Variants in TMEM272 observed in about 807,000 individuals in gnomAD.
The protein encoded by TMEM272 is long intergenic non-protein coding RNA 282.
Under a neutral mutation model 3.7 loss-of-function variants are expected in TMEM272, and 8 were observed. The observed-to-expected ratio is 2.17, with a 90% CI of 1.27 to 3.91. The LOEUF (loss-of-function observed/expected upper bound fraction) is 3.91. Among genes scored for constraint, TMEM272 ranks in the 30% most tolerant of loss-of-function variants. The pLI, the probability that TMEM272 is intolerant of heterozygous loss-of-function variation, is 0.00. For synonymous variants in TMEM272, 63 were observed against 39.8 expected (o/e 1.58, Z -2.20); for missense variants, 166 against 91.5 (o/e 1.81, Z -3.32).
At chr13:51,892,767 C>A in the TMEM272 span, among the ~76,000 whole-genome samples, 1 of 152,166 alleles carries the variant, frequency 6.6e-6, no homozygotes, top group Non-Finnish European at 1.5e-5. Context: ...CTCCACAGTT[C>A]CAGCTCACAG....
intron 4 of TMEM272, among the ~76,000 whole-genome samples, chr13:51,821,687 AG>A (rs139139103): frequency 2.5e-5 from 3 of 119,176 alleles, no homozygotes; most frequent in Non-Finnish European, 3.3e-5. Flanking sequence ...AAAAAAAAAA[AG>A]CAAAAAAAAA....
chr13:51,881,485 T>C, the TMEM272 span, among the ~76,000 whole-genome samples: 1 of 152,130 alleles, frequency 6.6e-6, no homozygotes, highest in Non-Finnish European at 1.5e-5. Flanking sequence ...GAGTAAAAGC[T>C]TCAAGGGCTG....
the TMEM272 span, among the ~76,000 whole-genome samples, chr13:51,880,686 A>G: frequency 0.1 from 15,281 of 152,264 alleles, 1,001 homozygotes; most frequent in African/African-American, 0.17. Flanking sequence ...GAAATTCTTC[A>G]AGACTATTTT....
chr13:51,889,426 G>A, the TMEM272 span, among the ~76,000 whole-genome samples: 2 of 150,020 alleles, frequency 1.3e-5, no homozygotes, highest in Non-Finnish European at 2.9e-5. Context: ...CTTACAAGAA[G>A]AGGAGGAGAC....
chr13:51,913,542 T>A, the TMEM272 span, among the ~76,000 whole-genome samples: 1 of 152,154 alleles, frequency 6.6e-6, no homozygotes, highest in African/African-American at 2.4e-5. Flanking sequence ...TGCAGCTGCA[T>A]TGCAGGGGCA....
upstream of TMEM272, among the ~76,000 whole-genome samples, chr13:51,847,364 GA>G (rs1338335460): frequency 1.3e-5 from 2 of 152,188 alleles, no homozygotes; most frequent in African/African-American, 4.8e-5. Context: ...GTGCATGCCA[GA>G]AATCTAGGTT....
the TMEM272 span, among the ~76,000 whole-genome samples, chr13:51,851,474 G>A: frequency 1.4e-5 from 2 of 146,074 alleles, no homozygotes; most frequent in Admixed American, 6.8e-5. Context: ...ACTTAATAAT[G>A]TATCCTGGGA....
chr13:51,929,941 G>A, the TMEM272 span, among the ~76,000 whole-genome samples: 833 of 152,330 alleles, frequency 5.5e-3, 7 homozygotes, highest in African/African-American at 0.019. Context: ...GCTCTCAACA[G>A]GCCTCTCTGA....
the TMEM272 span, among the ~76,000 whole-genome samples, chr13:51,888,486 T>A: frequency 6.6e-6 from 1 of 152,182 alleles, no homozygotes; most frequent in Non-Finnish European, 1.5e-5. Flanking sequence ...CCAATATAGA[T>A]GCATATAAGA....
At chr13:51,865,735 A>C in the TMEM272 span, 1 of 1,614,042 alleles carries the variant, frequency 6.2e-7, no homozygotes, top group African/African-American at 1.3e-5. Flanking sequence ...AGGAAGAGAA[A>C]ACTTTCTGGA....
At chr13:51,903,465 C>G in the TMEM272 span, among the ~76,000 whole-genome samples, 1 of 152,284 alleles carries the variant, frequency 6.6e-6, no homozygotes, top group East Asian at 1.9e-4. Context: ...GACTCTACGT[C>G]AGATGACGAT....
intron 3 of TMEM272, among the ~76,000 whole-genome samples, chr13:51,826,138 C>A (rs867179383): frequency 0.013 from 1,587 of 123,132 alleles, 26 homozygotes; most frequent in African/African-American, 0.043. Flanking sequence ...ATTCATTCAG[C>A]AAAAAAAAAA....
At chr13:51,846,842 A>C (rs1327580835), upstream of TMEM272, among the ~76,000 whole-genome samples, 2 of 152,260 alleles carry the variant, frequency 1.3e-5, no homozygotes, top group African/African-American at 4.8e-5. Context: ...AGTTACAGTA[A>C]GCTAAGGTTA....
At chr13:51,926,673 G>A in the TMEM272 span, among the ~76,000 whole-genome samples, 4 of 151,460 alleles carry the variant, frequency 2.6e-5, no homozygotes, top group South Asian at 2.1e-4. Flanking sequence ...GCATGTGCGC[G>A]CACGCACACG....
the TMEM272 span, among the ~76,000 whole-genome samples, chr13:51,860,003 C>G: frequency 6.6e-6 from 1 of 152,012 alleles, no homozygotes; most frequent in African/African-American, 2.4e-5. Context: ...ATGATCCTTC[C>G]TTCCTCAGCC....
intron 3 of TMEM272, among the ~76,000 whole-genome samples, chr13:51,824,938 G>A (rs1375925103): frequency 6.6e-6 from 1 of 152,208 alleles, no homozygotes; most frequent in East Asian, 1.9e-4. Flanking sequence ...GGGCGACAGA[G>A]TGAGACCCTG....
chr13:51,844,258 GAT>G (rs1364851574), intron 1 of TMEM272, among the ~76,000 whole-genome samples: 5 of 112,568 alleles, frequency 4.4e-5, no homozygotes, highest in African/African-American at 7.1e-5. Flanking sequence ...ATATATATAT[GAT>G]TGTGTTTTTA....
chr13:51,831,283 G>T (rs143300651), intron 2 of TMEM272, among the ~76,000 whole-genome samples: 164 of 152,228 alleles, frequency 1.1e-3, no homozygotes, highest in African/African-American at 3.9e-3. Context: ...TTAGCCAGGC[G>T]TGGTGGTGCA....
chr13:51,854,626 C>A, the TMEM272 span, among the ~76,000 whole-genome samples: 2 of 152,258 alleles, frequency 1.3e-5, no homozygotes, highest in East Asian at 3.9e-4. Context: ...CTAGGCTCTA[C>A]TTCTGTGTAG....
Sources: allele counts gnomAD v4.1 joint callset (sites outside exome capture counted in the v4.1 genomes callset), GRCh38; gene constraint gnomAD v4.1.1; transcripts MANE v1.5; gene names NCBI Gene and HGNC (gene_info 2026-07-23, HGNC 2026-07-21).